GPC5: variants seen among roughly 807,000 people sequenced by gnomAD.
GPC5 encodes glypican 5, also known as glypican-5.
Under a neutral mutation model 53.9 loss-of-function variants are expected in GPC5, and 47 were observed. The ratio of observed to expected loss-of-function variants is 0.87; its 90% CI spans 0.69 to 1.11. GPC5 has a LOEUF of 1.11. Ranked by LOEUF, GPC5 falls within the 50% of genes most tolerant of loss-of-function variation. The probability of loss-of-function intolerance (pLI) is 0.00; values close to 1 mark genes in which losing one functional copy is unlikely to be tolerated. For missense variants in GPC5, 748 were observed against 713.1 expected, an observed-to-expected ratio of 1.05 and a Z score of -0.56; for synonymous variants, 286 against 263.3, an observed-to-expected ratio of 1.09 and a Z score of -0.84.
At chr13:91,880,403 T>A (rs1378848582) in intron 5 of GPC5, among the ~76,000 whole-genome samples, 3 of 152,150 alleles carry the variant, frequency 2.0e-5, no homozygotes, top group Admixed American at 6.6e-5. Context: ...TATAAATTTT[T>A]ACTGTTTTTG....
intron 4 of GPC5, among the ~76,000 whole-genome samples, chr13:91,737,405 A>G (rs2036838970): frequency 6.6e-6 from 1 of 151,408 alleles, no homozygotes; most frequent in South Asian, 2.1e-4. Context: ...TACCTCTAGC[A>G]GAAACTACTT....
intron 7 of GPC5, among the ~76,000 whole-genome samples, chr13:92,612,593 C>G (rs1884474231): frequency 6.6e-6 from 1 of 152,046 alleles, no homozygotes; most frequent in Non-Finnish European, 1.5e-5. Context: ...ACTTTTGCAT[C>G]AAAGACAAAC....
chr13:92,568,568 C>T (rs182608527), intron 7 of GPC5, among the ~76,000 whole-genome samples: 1 of 152,184 alleles, frequency 6.6e-6, no homozygotes, highest in African/African-American at 2.4e-5. Flanking sequence ...TGTCTTAACG[C>T]AACAATTTTT....
intron 7 of GPC5, among the ~76,000 whole-genome samples, chr13:92,813,306 T>C (rs1877359217): frequency 1.3e-5 from 2 of 151,960 alleles, no homozygotes; most frequent in African/African-American, 4.8e-5. Flanking sequence ...AAAATAATTT[T>C]GTAATCTTTT....
chr13:91,398,819 C>T lies in GPC5; in HGVS notation c.-228C>T, dbSNP rs1021170668. The T allele has an allele frequency of 1.3e-4, 64 of 490,786 alleles. No individual in the cohort carries two copies. Among genetic ancestry groups the T allele is most frequent in the Non-Finnish European group, 2.0e-4 (57 of 280,686 alleles). The allele number at this position is 490,786 out of a possible 1,614,324, so 30.4% of individuals were successfully genotyped here. On this transcript the variant is annotated 5_prime_UTR_variant, in exon 1 of 8. Coordinates refer to ENST00000377067, the MANE Select transcript of GPC5 (RefSeq NM_004466.6). Reference sequence around the variant, plus strand: ...CACTCTTCTCGGCTAGGGAAGAAGACCAGAGGGTGCTCAGCTGGAAAACTC... The same window carrying T: ...CACTCTTCTCGGCTAGGGAAGAAGATCAGAGGGTGCTCAGCTGGAAAACTC...
intron 7 of GPC5, among the ~76,000 whole-genome samples, chr13:92,317,127 T>A (rs16947366): frequency 0.023 from 3,499 of 152,280 alleles, 149 homozygotes; most frequent in African/African-American, 0.08. Context: ...CAAAAATTAT[T>A]AATGTGCCTT....
At chr13:91,932,576 A>G (rs1231195005) in intron 6 of GPC5, among the ~76,000 whole-genome samples, 1 of 152,084 alleles carries the variant, frequency 6.6e-6, no homozygotes, top group Non-Finnish European at 1.5e-5. Context: ...TTTTCATTAC[A>G]GATACCACCT....
At chr13:91,553,586 A>G (rs989926563) in intron 2 of GPC5, among the ~76,000 whole-genome samples, 2 of 152,108 alleles carry the variant, frequency 1.3e-5, no homozygotes, top group Non-Finnish European at 1.5e-5. Context: ...TAGTTTGTCT[A>G]TGAAACTGAT....
chr13:92,412,271 T>G (rs1386086666), intron 7 of GPC5, among the ~76,000 whole-genome samples: 2 of 152,222 alleles, frequency 1.3e-5, no homozygotes, highest in Non-Finnish European at 2.9e-5. Flanking sequence ...GTCTACCTGA[T>G]GCTAGTCCAT....
intron 2 of GPC5, among the ~76,000 whole-genome samples, chr13:91,518,245 C>T (rs1415341329): frequency 6.6e-6 from 1 of 152,114 alleles, no homozygotes; most frequent in Non-Finnish European, 1.5e-5. Flanking sequence ...CCTATAGTCC[C>T]AGGTACTTAT....
intron 7 of GPC5, among the ~76,000 whole-genome samples, chr13:92,842,871 C>G (rs1213551593): frequency 6.6e-6 from 1 of 152,072 alleles, no homozygotes; most frequent in Non-Finnish European, 1.5e-5. Flanking sequence ...AACAATCATT[C>G]AAAACTAAGG....
chr13:91,546,576 C>A (rs913980547), intron 2 of GPC5, among the ~76,000 whole-genome samples: 1 of 151,732 alleles, frequency 6.6e-6, no homozygotes, highest in Non-Finnish European at 1.5e-5. Flanking sequence ...AGGTCTGTGA[C>A]ATTTAAAGAT....
intron 7 of GPC5, among the ~76,000 whole-genome samples, chr13:92,810,174 A>G (rs1053959393): frequency 1.3e-5 from 2 of 150,316 alleles, no homozygotes; most frequent in African/African-American, 5.0e-5. Flanking sequence ...GAAATCAAAG[A>G]TAATTCTACT....
rs752130758 is a variant in GPC5 at position 92,708,857 on chromosome 13, C to CTTTTTTTTTTTTTTTTTTTTTTTTT, written c.1562-157406_1562-157382dup. Reference sequence around the variant, plus strand: ...CTAGCAGCATCTAGCTGGAAACCGCCTTTTTTTTTTTTTTTTTTTTTTTTT... The same window carrying CTTTTTTTTTTTTTTTTTTTTTTTTT: ...CTAGCAGCATCTAGCTGGAAACCGCCTTTTTTTTTTTTTTTTTTTTTTTTTTTTTTTTTTTTTTTTTTTTTTTTTT... On this transcript the variant is annotated intron_variant, in intron 7 of 7. Transcript: ENST00000377067. Among the ~76,000 whole-genome samples, 7 of 48,184 alleles carry CTTTTTTTTTTTTTTTTTTTTTTTTT rather than the reference C, an allele frequency of 1.5e-4. 3 individuals are homozygous for CTTTTTTTTTTTTTTTTTTTTTTTTT. Among genetic ancestry groups the CTTTTTTTTTTTTTTTTTTTTTTTTT allele is most frequent in the Non-Finnish European group, 2.5e-4 (6 of 24,284 alleles). The allele number at this position is 48,184 out of a possible 152,430, so 31.6% of individuals were successfully genotyped here. A position where few individuals can be genotyped will look rare whatever the true frequency, so the allele number is the denominator to read the frequency against.
At chr13:91,885,557 T>G (rs1408710325) in intron 5 of GPC5, among the ~76,000 whole-genome samples, 1 of 152,196 alleles carries the variant, frequency 6.6e-6, no homozygotes, top group Non-Finnish European at 1.5e-5. Context: ...ATTCTCGAGG[T>G]GAAAACTGTG....
intron 5 of GPC5, among the ~76,000 whole-genome samples, chr13:91,864,902 T>C (rs2039067148): frequency 1.6e-5 from 2 of 128,682 alleles, no homozygotes; most frequent in African/African-American, 5.6e-5. Flanking sequence ...ATTTTCTTTC[T>C]TTTTTTTTTT....
chr13:92,625,110 T>C (rs570732515), intron 7 of GPC5, among the ~76,000 whole-genome samples: 174 of 152,322 alleles, frequency 1.1e-3, no homozygotes, highest in African/African-American at 4.0e-3. Flanking sequence ...GTCAGTGTGA[T>C]TTTGACAATA....
At chr13:91,572,789 T>C (rs867481179) in intron 2 of GPC5, among the ~76,000 whole-genome samples, 4 of 152,094 alleles carry the variant, frequency 2.6e-5, no homozygotes, top group African/African-American at 7.2e-5. Context: ...AAAAAGATAG[T>C]CATAACCTTA....
chr13:92,272,069 C>A (rs1353028375), intron 7 of GPC5, among the ~76,000 whole-genome samples: 3 of 152,166 alleles, frequency 2.0e-5, no homozygotes, highest in African/African-American at 7.2e-5. Flanking sequence ...ATTCACTATA[C>A]TCAGCCAGTG....
Sources: allele counts gnomAD v4.1 joint callset (sites outside exome capture counted in the v4.1 genomes callset), GRCh38; gene constraint gnomAD v4.1.1; transcripts MANE v1.5; gene names NCBI Gene and HGNC (gene_info 2026-07-23, HGNC 2026-07-21).